Variants in BASP1 observed in about 807,000 individuals in gnomAD.
The protein encoded by BASP1 is brain acid soluble protein 1.
A neutral mutation model predicts 2.2 loss-of-function variants in BASP1; 1 was observed. The observed-to-expected ratio is 0.46, with a 90% confidence interval of 0.16 to 2.17. The LOEUF is 2.17. BASP1 is among the 30% of genes most tolerant of loss of function. The pLI is 0.27. For missense variants in BASP1, 352 were observed against 327.2 expected, an observed-to-expected ratio of 1.08 and a Z score of -0.58; for synonymous variants, 187 against 154.2, an observed-to-expected ratio of 1.21 and a Z score of -1.58.
chr5:17,225,769 G>A (rs971465531), intron 1 of BASP1, among the ~76,000 whole-genome samples: 3 of 152,274 alleles, frequency 2.0e-5, no homozygotes, highest in Admixed American at 1.3e-4. Flanking sequence ...CTTTTATGCC[G>A]ATTTCTAGCG....
At chr5:17,264,594 C>G (rs1409726367) in intron 1 of BASP1, among the ~76,000 whole-genome samples, 1 of 152,114 alleles carries the variant, frequency 6.6e-6, no homozygotes, top group African/African-American at 2.4e-5. Context: ...TCTTTGTAAG[C>G]AGATATATTT....
intron 1 of BASP1, among the ~76,000 whole-genome samples, chr5:17,241,868 G>A (rs1739869327): frequency 6.6e-6 from 1 of 152,170 alleles, no homozygotes; most frequent in Admixed American, 6.5e-5. Flanking sequence ...ACAAGTACGT[G>A]GAGCTGGCAC....
intron 1 of BASP1, among the ~76,000 whole-genome samples, chr5:17,239,448 G>A (rs768264262): frequency 1.3e-5 from 2 of 152,170 alleles, no homozygotes; most frequent in Middle Eastern, 3.4e-3. Context: ...TATTCACTAC[G>A]GTAAATAATT....
chr5:17,230,056 C>T (rs74349916), intron 1 of BASP1, among the ~76,000 whole-genome samples: 9,964 of 152,178 alleles, frequency 0.065, 456 homozygotes, highest in Middle Eastern at 0.12. Flanking sequence ...CTGGCCCAGA[C>T]TTGAGTTTTC....
At chr5:17,240,098 C>G (rs528902260) in intron 1 of BASP1, among the ~76,000 whole-genome samples, 42 of 150,310 alleles carry the variant, frequency 2.8e-4, no homozygotes, top group Non-Finnish European at 5.8e-4. Flanking sequence ...GATTAGTGCT[C>G]TTATAGAACA....
intron 1 of BASP1, among the ~76,000 whole-genome samples, chr5:17,242,525 G>C (rs1030645861): frequency 6.6e-5 from 10 of 152,020 alleles, no homozygotes; most frequent in African/African-American, 2.2e-4. Flanking sequence ...TTTACATTAG[G>C]GTTCCCTCTT....
In BASP1 at chr5:17,256,070, C is replaced by T. The variant is rs185258444; in HGVS notation, c.-9-19138C>T. On this transcript the variant is annotated intron_variant, in intron 1 of 1. Transcript: ENST00000322611. The stretch of plus-strand genomic sequence containing the variant: ...GACATCTGAGGTTTCACATGCTCTT[C>T]ATTTGTCTGGTATCTGCATGACTTG... Among the ~76,000 whole-genome samples, 296 of 152,252 alleles carry T rather than the reference C, an allele frequency of 1.9e-3. 1 individual carries two copies. Among genetic ancestry groups the T allele is most frequent in the Non-Finnish European group, 3.4e-3 (233 of 68,030 alleles).
chr5:17,243,501 T>C (rs546836959), intron 1 of BASP1, among the ~76,000 whole-genome samples: 1 of 152,166 alleles, frequency 6.6e-6, no homozygotes, highest in Non-Finnish European at 1.5e-5. Flanking sequence ...CTTGACACTA[T>C]TGATGTCTGC....
chr5:17,264,332 C>A (rs1351543165), intron 1 of BASP1, among the ~76,000 whole-genome samples: 3 of 152,072 alleles, frequency 2.0e-5, no homozygotes, highest in South Asian at 2.1e-4. Flanking sequence ...TAGGTTTGAC[C>A]AATATCTTGG....
chr5:17,271,510 A>G (rs298597), intron 1 of BASP1, among the ~76,000 whole-genome samples: 124,741 of 152,156 alleles, frequency 0.82, 51,342 homozygotes, highest in African/African-American at 0.87. Context: ...AACACATAGA[A>G]CTGAGGTCAG....
chr5:17,223,573 T>C (rs2126487374), intron 1 of BASP1, among the ~76,000 whole-genome samples: 1 of 152,322 alleles, frequency 6.6e-6, no homozygotes. Flanking sequence ...GTAGTTCATG[T>C]GGACTAAGTT....
intron 1 of BASP1, among the ~76,000 whole-genome samples, chr5:17,274,437 T>C (rs1417294168): frequency 6.6e-6 from 1 of 152,188 alleles, no homozygotes; most frequent in Non-Finnish European, 1.5e-5. Flanking sequence ...TTTGAGATTA[T>C]TTTCTAGAAA....
chr5:17,243,685 T>C (rs1416285279), intron 1 of BASP1, among the ~76,000 whole-genome samples: 1 of 152,244 alleles, frequency 6.6e-6, no homozygotes, highest in East Asian at 1.9e-4. Flanking sequence ...TACTTGTTTT[T>C]GGATTGTGTC....
intron 1 of BASP1, among the ~76,000 whole-genome samples, chr5:17,269,777 A>C (rs1205666342): frequency 2.0e-5 from 3 of 152,236 alleles, no homozygotes; most frequent in Non-Finnish European, 2.9e-5. Flanking sequence ...GACATTTGAC[A>C]ATGTTAGCTT....
intron 1 of BASP1, among the ~76,000 whole-genome samples, chr5:17,254,644 A>G (rs952633634): frequency 6.6e-6 from 1 of 152,202 alleles, no homozygotes; most frequent in African/African-American, 2.4e-5. Flanking sequence ...GAATAATCAC[A>G]TTTATTTATC....
rs1291755953 is a variant in BASP1, at chr5:17,221,695, C to T, written c.-10+3885C>T. On this transcript the variant is annotated intron_variant, in intron 1 of 1. Transcript: ENST00000322611. ...ATCTAATCCTTTAAATTTATTGTAT[C>T]TCTTAAGACATTAGATAAGCCAGTG... Among the ~76,000 whole-genome samples, 3 of 152,086 alleles carry T rather than the reference C, an allele frequency of 2.0e-5. No individual in the cohort carries two copies. In the East Asian group the frequency reaches 5.8e-4, roughly 29 times the overall value.
rs1233660319 is a variant in BASP1, at chr5:17,251,284, T to A, written c.-9-23924T>A. ...TGTATACAAGTATCAAAATATCACA[T>A]GTACCCCCAAAATACATAAAATGGT... On this transcript the variant is annotated intron_variant, in intron 1 of 1. Transcript: ENST00000322611. The surrounding 1 kb of genome is among the most constrained non-coding windows in gnomAD (Gnocchi z 4.0). Among the ~76,000 whole-genome samples, 3 of 152,184 alleles carry A rather than the reference T, an allele frequency of 2.0e-5. No individual in the cohort carries two copies. Among genetic ancestry groups the A allele is most frequent in the Admixed American group, 2.0e-4 (3 of 15,282 alleles).
chr5:17,219,410 C>T (rs968158033), intron 1 of BASP1, among the ~76,000 whole-genome samples: 1 of 152,190 alleles, frequency 6.6e-6, no homozygotes, highest in Non-Finnish European at 1.5e-5. Flanking sequence ...CTTTTGCTTT[C>T]TTGCTGATTT....
chr5:17,225,611 G>A (rs76861411), intron 1 of BASP1, among the ~76,000 whole-genome samples: 1 of 152,334 alleles, frequency 6.6e-6, no homozygotes, highest in East Asian at 1.9e-4. Context: ...GTGGGTATGT[G>A]TTTGAAAAGA....
Sources: gnomAD v4.1 joint callset for allele counts (sites outside exome capture counted in the v4.1 genomes callset) on GRCh38, gnomAD v4.1.1 for gene constraint, Gnocchi (gnomAD v3.1) non-coding constraint, MANE v1.5 for transcripts, NCBI Gene and HGNC (gene_info 2026-07-23, HGNC 2026-07-21) for gene names.